ZNF525: variants seen among roughly 807,000 people sequenced by gnomAD.
The protein encoded by ZNF525 is zinc finger protein 525.
Under a neutral mutation model 37.6 loss-of-function variants are expected in ZNF525, and 33 were observed. The ratio of observed to expected loss-of-function variants is 0.88; its 90% CI spans 0.67 to 1.17. The LOEUF (loss-of-function observed/expected upper bound fraction) is 1.17, where lower values mean the gene tolerates loss of function less well. ZNF525 is among the 50% of genes most tolerant of loss of function. The pLI, the probability that ZNF525 is intolerant of heterozygous loss-of-function variation, is 0.00. For missense variants in ZNF525, 449 were observed against 543.1 expected (o/e 0.83, Z 1.72); for synonymous variants, 170 against 182.3 (o/e 0.93, Z 0.54).
intron 1 of ZNF525, among the ~76,000 whole-genome samples, chr19:53,371,225 T>C (rs2085485865): frequency 7.0e-6 from 1 of 142,520 alleles, no homozygotes; most frequent in Non-Finnish European, 1.5e-5. Context: ...TTAGACAGAG[T>C]CTCACTCTGT....
At chr19:53,372,434 C>T in intron 2 of ZNF525, 138 bp downstream of exon 2, 3 of 753,326 alleles carry the variant, frequency 4.0e-6, no homozygotes, top group Non-Finnish European at 2.4e-6. Context: ...CTCAGTCCCT[C>T]TCATCTCACT....
chr19:53,380,399 G>T (rs1205493948), intron 3 of ZNF525, among the ~76,000 whole-genome samples: 2 of 152,016 alleles, frequency 1.3e-5, no homozygotes, highest in East Asian at 3.9e-4. Flanking sequence ...GTATTTATTT[G>T]TATACAGTAA....
intron 2 of ZNF525, 47 bp from the exon 3 acceptor site, chr19:53,375,723 A>G: frequency 1.9e-6 from 3 of 1,613,710 alleles, no homozygotes; most frequent in Non-Finnish European, 2.5e-6. Context: ...CTGTAAAGAT[A>G]AGAACTCCTC....
rs1278324444 is a variant in ZNF525 at position 53,377,474 on chromosome 19, CCTAT to C, written c.142+1581_142+1584del. On this transcript the variant is annotated intron_variant, in intron 3 of 3. Transcript: ENST00000474037. Reference sequence around the variant, plus strand: ...TACAGGTTTGAAAAACTGCGCCCGGCCTATCTGTCTTTTTATTTACCTTTACTGG... The same window carrying C: ...TACAGGTTTGAAAAACTGCGCCCGGCCTGTCTTTTTATTTACCTTTACTGG... Among the ~76,000 whole-genome samples the C allele has an allele frequency of 8.8e-5, 13 of 147,872 alleles. No homozygotes were observed. The East Asian group carries it at 2.0e-3, about 23-fold the overall frequency.
At chr19:53,366,667 A>G (rs2085448367) in intron 1 of ZNF525, among the ~76,000 whole-genome samples, 1 of 151,770 alleles carries the variant, frequency 6.6e-6, no homozygotes, top group African/African-American at 2.4e-5. Flanking sequence ...GAGGCTCATC[A>G]GGGTGAGGGA....
chr19:53,375,627 A>G (rs2085516045), intron 2 of ZNF525, 143 bp from the exon 3 acceptor site: 1 of 1,590,630 alleles, frequency 6.3e-7, no homozygotes, highest in Non-Finnish European at 8.6e-7. Context: ...GGAAGACAAA[A>G]TGCAGTGAAA....
At position 53,369,620 on chromosome 19, in the gene ZNF525, G is replaced by A. The variant is rs954594559; in HGVS notation, c.-67-2595G>A. 5.4e-5 allele frequency among the ~76,000 whole-genome samples: 8 copies of A among 147,008 alleles called. 1 individual carries two copies. Among genetic ancestry groups the A allele is most frequent in the African/African-American group, 1.8e-4 (7 of 38,454 alleles). ...TTTTAAGGTCAATAGCTGTGGGTTC[G>A]CACTTCTGCATTTTATAAATGTTAC... On this transcript the variant is annotated intron_variant, in intron 1 of 3. Coordinates refer to ENST00000474037, the MANE Select transcript of ZNF525 (RefSeq NM_001348156.2).
chr19:53,367,892 A>T (rs1254499814), intron 1 of ZNF525, among the ~76,000 whole-genome samples: 3 of 152,074 alleles, frequency 2.0e-5, no homozygotes, highest in Admixed American at 1.3e-4. Context: ...CAAATTTATG[A>T]TGTGGTTAAG....
chr19:53,366,730 AAAGAGAAC>A (rs2085449039), intron 1 of ZNF525, among the ~76,000 whole-genome samples: 1 of 150,342 alleles, frequency 6.7e-6, no homozygotes, highest in Non-Finnish European at 1.5e-5. Flanking sequence ...TGCTGGTGGC[AAAGAGAAC>A]AGAGGGAGAA....
At chr19:53,371,075 C>T (rs941385393) in intron 1 of ZNF525, among the ~76,000 whole-genome samples, 1 of 152,176 alleles carries the variant, frequency 6.6e-6, no homozygotes, top group Non-Finnish European at 1.5e-5. Context: ...CTTTCCTCTG[C>T]GTTCAGGTCT....
At chr19:53,376,338 G>A in intron 3 of ZNF525, 1 of 702,838 alleles carries the variant, frequency 1.4e-6, no homozygotes, top group Non-Finnish European at 2.6e-6. Flanking sequence ...TGTTGATTGA[G>A]TCAGTCTTTG....
At chr19:53,377,662 C>T (rs1446066647) in intron 3 of ZNF525, among the ~76,000 whole-genome samples, 3 of 150,910 alleles carry the variant, frequency 2.0e-5, no homozygotes, top group Admixed American at 6.6e-5. Flanking sequence ...TCAAGCGATT[C>T]TCCTGCCTCA....
chr19:53,382,240 A>G lies in ZNF525; in HGVS notation c.*221A>G. ...ACTGGTGAGAAACCTTACAGGTGTA[A>G]TAGGTGTGGCAAGACCTTCAGTCAT... On this transcript the variant is annotated 3_prime_UTR_variant, in exon 4 of 4. Coordinates refer to ENST00000474037, the MANE Select transcript of ZNF525 (RefSeq NM_001348156.2). 6.4e-7 allele frequency: 1 copy of G among 1,559,628 alleles called. No homozygotes were observed.
At chr19:53,377,848 C>T (rs1165185040) in intron 3 of ZNF525, among the ~76,000 whole-genome samples, 1 of 152,160 alleles carries the variant, frequency 6.6e-6, no homozygotes, top group East Asian at 1.9e-4. Context: ...GTGTGAACCA[C>T]CTCACTCAGC....
intron 1 of ZNF525, among the ~76,000 whole-genome samples, chr19:53,369,248 C>CT (rs200312113): frequency 0.13 from 19,422 of 147,426 alleles, 1,349 homozygotes; most frequent in South Asian, 0.27. Flanking sequence ...TGTACAAGTT[C>CT]TTTTTTTTTT....
Position 53,380,750 on chromosome 19 carries a change from GT to G in ZNF525, c.173del (p.Phe58SerfsTer11). 7.8e-7 allele frequency: 1 copy of G among 1,289,412 alleles called. No homozygotes were observed. Among genetic ancestry groups the G allele is most frequent in the South Asian group, 1.2e-5 (1 of 82,432 alleles). 79.9% of individuals were successfully genotyped at this position (1,289,412 alleles called of 1,614,324 possible). A position where few individuals can be genotyped will look rare whatever the true frequency, so the allele number is the denominator to read the frequency against. On this transcript the variant is annotated frameshift_variant, in exon 4 of 4. Transcript: ENST00000474037. LOFTEE classifies it high-confidence loss of function. ...TCTCTTCCAAATGCACAATGAAGGA[GT>G]TCTCATCAACAGCACAAGGCAATAC... ...GISSKCTMKE[F>X]SSTAQGNTEV...
intron 3 of ZNF525, among the ~76,000 whole-genome samples, chr19:53,378,718 C>T (rs1448277369): frequency 6.6e-6 from 1 of 152,142 alleles, no homozygotes; most frequent in Non-Finnish European, 1.5e-5. Context: ...GAAACAGGAA[C>T]AGGCAACGAG....
rs2085579611 is a variant in ZNF525 at position 53,383,131 on chromosome 19, T to A, written c.*1112T>A. On this transcript the variant is annotated 3_prime_UTR_variant, in exon 4 of 4. Transcript: ENST00000474037. ...CACACCTTGCACGTCATCATAGAAC[T>A]CATACTGGAGAGAAACATTACAAGT... The A allele has an allele frequency of 7.5e-7, 1 of 1,324,804 alleles. No homozygotes were observed. The highest frequency in any genetic ancestry group is 1.5e-5 in the African/African-American group (1 of 68,646). The allele number at this position is 1,324,804 out of a possible 1,614,324, so 82.1% of individuals were successfully genotyped here.
intron 3 of ZNF525, among the ~76,000 whole-genome samples, chr19:53,378,771 G>A (rs1000804240): frequency 5.9e-5 from 9 of 152,104 alleles, no homozygotes; most frequent in East Asian, 1.9e-4. Flanking sequence ...TCCTATTCAC[G>A]AGTAGTCAAC....
Sources: gnomAD v4.1 joint callset for allele counts (sites outside exome capture counted in the v4.1 genomes callset) on GRCh38, gnomAD v4.1.1 for gene constraint, MANE v1.5 for transcripts, NCBI Gene and HGNC (gene_info 2026-07-23, HGNC 2026-07-21) for gene names.